The following GDF1 variants were observed in gnomAD, a reference collection of about 807,000 sequenced individuals.
The protein encoded by GDF1 is growth differentiation factor 1, also known as embryonic growth/differentiation factor 1.
GDF1 carries 8 observed loss-of-function variants against 7.4 expected under a neutral mutation model. That is an observed-to-expected ratio of 1.09 (90% CI 0.64 to 1.96). The LOEUF is 1.96. Among genes scored for constraint, GDF1 ranks in the 30% most tolerant of loss-of-function variants. The pLI is 0.00. For missense variants in GDF1, 574 were observed against 551.5 expected (o/e 1.04, Z -0.41); for synonymous variants, 311 against 276.7 (o/e 1.12, Z -1.23).
Position 18,873,434 on chromosome 19 carries a change from C to T in GDF1, c.-312-2815G>A, listed in dbSNP as rs535308383. On this transcript the variant is annotated intron_variant, in intron 6 of 7. Transcript: ENST00000247005. ...TTCAAGGGCCAGGCGCAGTGGCTCA[C>T]GCCTGTAATCCCAGCACTTTGGGAG... Among the ~76,000 whole-genome samples the T allele has an allele frequency of 9.9e-5, 15 of 152,134 alleles. No individual in the cohort carries two copies. The South Asian group carries it at 1.2e-3, about 13-fold the overall frequency.
intron 2 of GDF1, among the ~76,000 whole-genome samples, chr19:18,892,396 T>C (rs879139147): frequency 1.3e-5 from 2 of 151,826 alleles, no homozygotes; most frequent in African/African-American, 2.4e-5. Context: ...GGGCAGATCA[T>C]GAGATCAGGA....
Position 18,870,344 on chromosome 19 carries a change from C to T in GDF1, c.-37G>A. The T allele has an allele frequency of 6.5e-7, 1 of 1,542,004 alleles. No individual in the cohort carries two copies. Among genetic ancestry groups the T allele is most frequent in the Non-Finnish European group, 8.7e-7 (1 of 1,145,586 alleles). On this transcript the variant is annotated 5_prime_UTR_variant, in exon 7 of 8. Transcript: ENST00000247005. This position sits in a 1 kb window ranked among gnomAD's most constrained non-coding sequence, Gnocchi z 5.1. ...GCGATGACCAGAGAGTGCGCAGGGT[C>T]CGCGGCGGCCCGGGACCAGTGGGCT...
At chr19:18,882,569 G>A (rs2056239019) in intron 3 of GDF1, among the ~76,000 whole-genome samples, 3 of 151,834 alleles carry the variant, frequency 2.0e-5, no homozygotes, top group Middle Eastern at 3.4e-3. Context: ...CCTGGGAGCC[G>A]GAGGTTGCAG....
At chr19:18,885,099 C>A (rs2056317631) in intron 2 of GDF1, among the ~76,000 whole-genome samples, 1 of 152,168 alleles carries the variant, frequency 6.6e-6, no homozygotes, top group Non-Finnish European at 1.5e-5. Flanking sequence ...CTTTCTTCTG[C>A]CCCAACATAC....
At chr19:18,883,866 G>A (rs1028785483) in intron 3 of GDF1, among the ~76,000 whole-genome samples, 2 of 152,170 alleles carry the variant, frequency 1.3e-5, no homozygotes, top group South Asian at 2.1e-4. Flanking sequence ...CCATCCCAGC[G>A]GAATCTCCCT....
rs2055910832 is a variant in GDF1, at chr19:18,869,103, G to A, written c.613C>T (p.Arg205Cys). 4.6e-6 allele frequency: 5 copies of A among 1,080,524 alleles called. No homozygotes were observed. The African/African-American group carries it at 6.8e-5, about 15-fold the overall frequency. 66.9% of individuals were successfully genotyped at this position (1,080,524 alleles called of 1,614,324 possible). A position where few individuals can be genotyped will look rare whatever the true frequency, so the allele number is the denominator to read the frequency against. Residue 205 changes from arginine (R) to cysteine (C), a missense_variant, in exon 8 of 8, where the codon CGC becomes TGC. By Grantham distance (180) the Arg-to-Cys change is radical (BLOSUM62 -3). Transcript: ENST00000247005. ...RAELLGAAWA[R>C]NASWPRSLRL... ...AGGCTGCGCGGCCATGAGGCGTTGC[G>A]AGCCCAAGCGGCGCCCAGCAGCTCC... is the stretch of plus-strand genomic sequence containing the variant.
At chr19:18,893,274 G>A (rs2056540518) in intron 2 of GDF1, 142 bp downstream of exon 2, 2 of 849,730 alleles carry the variant, frequency 2.4e-6, no homozygotes, top group African/African-American at 1.7e-5. Context: ...GAGTGCAGTG[G>A]CGTGCTCATA....
rs777354771 is a variant in GDF1, at chr19:18,884,257, C to G, written c.-903G>C. 2.5e-6 allele frequency: 4 copies of G among 1,611,908 alleles called. No homozygotes were observed. The African/African-American group carries it at 5.3e-5, about 22-fold the overall frequency. On this transcript the variant is annotated 5_prime_UTR_variant, in exon 3 of 8. Coordinates refer to ENST00000247005, the MANE Select transcript of GDF1 (RefSeq NM_001492.6). Reference sequence around the variant, plus strand: ...CAATGTCCCGTGGCACTGCCATGCCCGGCGTCCAGTCTGGGGAGAGCCAAA... The same window carrying G: ...CAATGTCCCGTGGCACTGCCATGCCGGGCGTCCAGTCTGGGGAGAGCCAAA...
rs1191052785 is a variant in GDF1 at position 18,878,051 on chromosome 19, G to A, written c.-313+879C>T. The A allele has an allele frequency of 2.5e-5, 25 of 985,246 alleles. No individual in the cohort carries two copies. Among genetic ancestry groups the A allele is most frequent in the African/African-American group, 5.2e-5 (3 of 57,170 alleles). The allele number at this position is 985,246 out of a possible 1,614,324, so 61.0% of individuals were successfully genotyped here. A position where few individuals can be genotyped will look rare whatever the true frequency, so the allele number is the denominator to read the frequency against. Reference sequence around the variant, plus strand: ...CGGATGTGTTAAATGTCTGCATCTCGCACCTCCCGTTCCAAAAAACGTCAC... The same window carrying A: ...CGGATGTGTTAAATGTCTGCATCTCACACCTCCCGTTCCAAAAAACGTCAC... On this transcript the variant is annotated intron_variant, in intron 6 of 7. Coordinates refer to ENST00000247005, the MANE Select transcript of GDF1 (RefSeq NM_001492.6). This position sits in a 1 kb window ranked among gnomAD's most constrained non-coding sequence, Gnocchi z 4.6.
intron 6 of GDF1, among the ~76,000 whole-genome samples, chr19:18,876,252 C>T (rs1420544007): frequency 1.3e-5 from 2 of 152,238 alleles, no homozygotes; most frequent in East Asian, 1.9e-4. Context: ...TCCCAAAGTG[C>T]TGGGATTACA....
In GDF1 at chr19:18,878,822, T is replaced by A; in HGVS notation, c.-313+108A>T. On this transcript the variant is annotated intron_variant, in intron 6 of 7. Transcript: ENST00000247005. The surrounding 1 kb of genome is among the most constrained non-coding windows in gnomAD (Gnocchi z 4.6). ...TTTGGAGTAGGCTTGGGGGGCAGCA[T>A]CCGCGTCGGCCTCATCTGCTGCTGG... is the stretch of plus-strand genomic sequence containing the variant. The A allele has an allele frequency of 1.3e-6, 2 of 1,503,184 alleles. No individual in the cohort carries two copies. The highest frequency in any genetic ancestry group is 2.5e-5 in the South Asian group (2 of 78,542). 93.1% of individuals were successfully genotyped at this position (1,503,184 alleles called of 1,614,324 possible). A position where few individuals can be genotyped will look rare whatever the true frequency, so the allele number is the denominator to read the frequency against.
Position 18,868,825 on chromosome 19 carries a change from C to G in GDF1, c.891G>C (p.Gln297His), listed in dbSNP as rs890558836. The stretch of plus-strand genomic sequence containing the variant: ...GCGCGACGGGCAGCGCGCACTGACC[C>G]TGGCAGTAGTTGGCCAGGAAGCCGC... ...APRGFLANYC[Q>H]GQCALPVALS... is the part of the protein sequence containing the mutation. The change falls in exon 8 of 8, where the codon CAG (glutamine) becomes CAC (histidine). Residue 297 changes from glutamine to histidine, a missense_variant. Coordinates refer to ENST00000247005, the MANE Select transcript of GDF1 (RefSeq NM_001492.6). 5.5e-6 allele frequency: 8 copies of G among 1,457,152 alleles called. No homozygotes were observed. Among genetic ancestry groups the G allele is most frequent in the Non-Finnish European group, 7.3e-6 (8 of 1,095,034 alleles). 90.3% of individuals were successfully genotyped at this position (1,457,152 alleles called of 1,614,324 possible).
chr19:18,894,381 G>C (rs563819390), intron 1 of GDF1, among the ~76,000 whole-genome samples: 1 of 152,210 alleles, frequency 6.6e-6, no homozygotes, highest in Admixed American at 6.5e-5. Flanking sequence ...GAGACAGCTG[G>C]AGCCGGCTCC....
At chr19:18,894,072 G>A (rs1016624143) in intron 1 of GDF1, among the ~76,000 whole-genome samples, 1 of 151,830 alleles carries the variant, frequency 6.6e-6, no homozygotes, top group African/African-American at 2.4e-5. Context: ...GGAGAGACTA[G>A]GGGGAAGGTG....
rs1181733949 is a variant in GDF1, at chr19:18,879,331, G to A, written c.-513C>T. On this transcript the variant is annotated 5_prime_UTR_variant, in exon 5 of 8. Transcript: ENST00000247005. ...GGATGTCAGGCACCGTGCGCAGACT[G>A]CAGTGACTGGTGGCATACAGGACCT... 1.1e-5 allele frequency: 17 copies of A among 1,606,074 alleles called. No homozygotes were observed. Among genetic ancestry groups the A allele is most frequent in the Non-Finnish European group, 1.4e-5 (17 of 1,176,442 alleles).
chr19:18,894,269 G>A (rs1462500718), intron 1 of GDF1, among the ~76,000 whole-genome samples: 1 of 151,842 alleles, frequency 6.6e-6, no homozygotes, highest in Non-Finnish European at 1.5e-5. Context: ...GTGGCGGGGC[G>A]CGGCTCCAGA....
At chr19:18,888,657 C>T (rs1194021993) in intron 2 of GDF1, among the ~76,000 whole-genome samples, 1 of 151,310 alleles carries the variant, frequency 6.6e-6, no homozygotes, top group African/African-American at 2.4e-5. Flanking sequence ...ATGGTGAAAC[C>T]CTGTCTCTAC....
rs906480809 is a variant in GDF1, at chr19:18,870,939, G to C, written c.-312-320C>G. ...CGCTGGAGGGCAAAACCCACGTACC[G>C]GCCTGGGCCTGACAACTCCACCGCC... On this transcript the variant is annotated intron_variant, in intron 6 of 7. Coordinates refer to ENST00000247005, the MANE Select transcript of GDF1 (RefSeq NM_001492.6). The surrounding 1 kb of genome is among the most constrained non-coding windows in gnomAD (Gnocchi z 5.1). 6.6e-6 allele frequency among the ~76,000 whole-genome samples: 1 copy of C among 152,032 alleles called. No individual in the cohort carries two copies. The highest frequency in any genetic ancestry group is 6.6e-5 in the Admixed American group (1 of 15,250).
rs910183434 is a variant in GDF1 at position 18,868,574 on chromosome 19, C to T, written c.*23G>A. On this transcript the variant is annotated 3_prime_UTR_variant, in exon 8 of 8. Transcript: ENST00000247005. ...AGACCACGCGGCATTTATTGTTGGG[C>T]CCGCGTCCCTGCCCGCCCCGGGTTA... 4 of 1,523,026 alleles carry T rather than the reference C, an allele frequency of 2.6e-6. No homozygotes were observed. The highest frequency in any genetic ancestry group is 2.8e-5 in the African/African-American group (2 of 72,366). The allele number at this position is 1,523,026 out of a possible 1,614,324, so 94.3% of individuals were successfully genotyped here.
Sources: gnomAD v4.1 joint callset for allele counts (sites outside exome capture counted in the v4.1 genomes callset) on GRCh38, gnomAD v4.1.1 for gene constraint, Gnocchi (gnomAD v3.1) non-coding constraint, MANE v1.5 for transcripts, NCBI Gene and HGNC (gene_info 2026-07-23, HGNC 2026-07-21) for gene names.